Variants in FER1L5 observed in about 807,000 individuals in gnomAD.
The protein encoded by FER1L5 is fer-1-like protein 5.
Under a neutral mutation model 279.9 loss-of-function variants are expected in FER1L5, and 187 were observed. That is an observed-to-expected ratio of 0.67 (90% confidence interval 0.59 to 0.75). The LOEUF is 0.75. Ranked by LOEUF, FER1L5 falls within the 30% of genes least tolerant of loss-of-function variation. The pLI is 0.00. For synonymous variants in FER1L5, 921 were observed against 989.7 expected, an observed-to-expected ratio of 0.93 and a Z score of 1.30; for missense variants, 2,091 against 2,594.4, an observed-to-expected ratio of 0.81 and a Z score of 4.21.
At chr2:96,679,894 C>T (rs1457873870) in intron 19 of FER1L5, among the ~76,000 whole-genome samples, 1 of 152,148 alleles carries the variant, frequency 6.6e-6, no homozygotes, top group Non-Finnish European at 1.5e-5. Flanking sequence ...ATGTTACCTT[C>T]CCATCTCTGT....
chr2:96,696,190 C>T, intron 37 of FER1L5, 113 bp downstream of exon 37: 5 of 1,371,038 alleles, frequency 3.6e-6, no homozygotes, highest in Non-Finnish European at 5.0e-6. Flanking sequence ...AACTGTGAGG[C>T]CCACCTCGCT....
chr2:96,695,694 C>A (rs761677222), intron 35 of FER1L5, 33 bp downstream of exon 35: 34 of 1,607,112 alleles, frequency 2.1e-5, no homozygotes, highest in Non-Finnish European at 2.8e-5. Context: ...CTGGGCAGCC[C>A]TCTTCTTCTG....
chr2:96,678,454 G>T (rs1247302062), intron 19 of FER1L5, among the ~76,000 whole-genome samples: 1 of 149,608 alleles, frequency 6.7e-6, no homozygotes, highest in Admixed American at 6.7e-5. Flanking sequence ...TATTCTTTGA[G>T]ACAGGGTCTC....
At chr2:96,673,033 G>A (rs1264901535) in intron 18 of FER1L5, 44 bp from the exon 19 acceptor site, 10 of 1,537,070 alleles carry the variant, frequency 6.5e-6, no homozygotes, top group Admixed American at 2.0e-5. Flanking sequence ...ATAACCCTTG[G>A]CTTATGTACT....
chr2:96,702,988 G>T lies in FER1L5; in HGVS notation c.5408G>T (p.Trp1803Leu). The T allele has an allele frequency of 6.2e-7, 1 of 1,612,046 alleles. No homozygotes were observed. The highest frequency in any genetic ancestry group is 8.5e-7 in the Non-Finnish European group (1 of 1,179,102). ...TCVQSQKDYI[W>L]SLDATSMKFP... Reference sequence around the variant, plus strand: ...CCGCCATTTCCCCAGGATTACATATGGAGCCTGGATGCCACGTCCATGAAG... The same window carrying T: ...CCGCCATTTCCCCAGGATTACATATTGAGCCTGGATGCCACGTCCATGAAG... The change falls in exon 49 of 53, where the codon TGG becomes TTG. Residue 1803 changes from tryptophan to leucine, a missense_variant. Transcript: ENST00000624922. The surrounding 1 kb of genome is among the most constrained non-coding windows in gnomAD (Gnocchi z 4.0).
rs2075163608 is a variant in FER1L5, at chr2:96,647,077, A to C, written c.152A>C (p.His51Pro). 2 of 1,551,526 alleles carry C rather than the reference A, an allele frequency of 1.3e-6. No homozygotes were observed. The highest frequency in any genetic ancestry group is 1.7e-6 in the Non-Finnish European group (2 of 1,146,970). ...TGCCCCCCACAGACCCTAATCTGGC[A>C]CCTCTGGAACCGCCCCCTGGAAAAT... The part of the protein sequence containing the change: ...DPVWNETLIW[H>P]LWNRPLENDS... The change falls in exon 3 of 53, where the codon CAC becomes CCC. Residue 51 changes from histidine (H) to proline (P), a missense_variant. By Grantham distance (77) the His-to-Pro change is moderately conservative (BLOSUM62 -2). Transcript: ENST00000624922.
At chr2:96,651,295 CTTT>C (rs1558840413) in intron 6 of FER1L5, among the ~76,000 whole-genome samples, 13 of 134,590 alleles carry the variant, frequency 9.7e-5, no homozygotes, top group Admixed American at 3.2e-4. Flanking sequence ...TTCTTTCTTT[CTTT>C]CTTCTTTCCT....
Position 96,700,303 on chromosome 2 carries a change from TCCCCTCCTTCCATC to T in FER1L5, c.4931-21_4931-8del. 1 of 1,609,918 alleles carries T rather than the reference TCCCCTCCTTCCATC, an allele frequency of 6.2e-7. No individual in the cohort carries two copies. The highest frequency in any genetic ancestry group is 8.5e-7 in the Non-Finnish European group (1 of 1,179,710). ...GATAGGAAGGCTAATGACCTCGCAATCCCCTCCTTCCATCCCCCTCCAATCCAGAGCCCAAAACC... is the reference window on the plus strand; with the variant it reads ...GATAGGAAGGCTAATGACCTCGCAATCCCCTCCAATCCAGAGCCCAAAACC... On this transcript the variant is annotated splice_polypyrimidine_tract_variant and intron_variant, in intron 44 of 52. Transcript: ENST00000624922.
rs1267576402 is a variant in FER1L5, at chr2:96,686,260, A to G, written c.2139A>G (p.Ala713=). 8 of 1,551,478 alleles carry G rather than the reference A, an allele frequency of 5.2e-6. No individual in the cohort carries two copies. The highest frequency in any genetic ancestry group is 7.0e-6 in the Non-Finnish European group (8 of 1,146,972). ...LVAKEQRVAY[A]QVPAHSVLFS... ...CCAAGGAGCAGCGAGTGGCCTATGC[A>G]CAGGTGCCTGCCCACTCCGTCCTCT... The change falls in exon 23 of 53, where the codon GCA becomes GCG. Residue 713 remains alanine, a synonymous_variant. Transcript: ENST00000624922.
chr2:96,692,981 G>T lies in FER1L5; in HGVS notation c.3293-525G>T, dbSNP rs150400913. Among the ~76,000 whole-genome samples the T allele has an allele frequency of 4.1e-3, 621 of 152,190 alleles. 10 individuals carry two copies. In the East Asian group the frequency reaches 0.044, roughly 11 times the overall value. On this transcript the variant is annotated intron_variant, in intron 31 of 52. Transcript: ENST00000624922. ...TCACGAGGTCAGGAATTCGAGACCAGCCTGGCCAACATGGTGAAACCCCGT... is the reference window on the plus strand; with the variant it reads ...TCACGAGGTCAGGAATTCGAGACCATCCTGGCCAACATGGTGAAACCCCGT...
At chr2:96,696,602 TA>T (rs569496382) in intron 37 of FER1L5, among the ~76,000 whole-genome samples, 1 of 151,506 alleles carries the variant, frequency 6.6e-6, no homozygotes, top group African/African-American at 2.4e-5. Context: ...CCTTAAATCT[TA>T]AAAAAAAATT....
intron 44 of FER1L5, 80 bp downstream of exon 44, chr2:96,700,160 G>A: frequency 6.3e-7 from 1 of 1,581,968 alleles, no homozygotes; most frequent in Admixed American, 1.8e-5. Context: ...AAGAGCTGCA[G>A]ACTTGGGGGA....
Position 96,689,160 on chromosome 2 carries a change from C to G in FER1L5, c.2362-53C>G. Reference sequence around the variant, plus strand: ...AGGGGGCCCAGGGGAGGCCCATGTCCCCGCACTTTGTGCTAGAGGAGGCGG... The same window carrying G: ...AGGGGGCCCAGGGGAGGCCCATGTCGCCGCACTTTGTGCTAGAGGAGGCGG... On this transcript the variant is annotated intron_variant, in intron 24 of 52. Coordinates refer to ENST00000624922, the MANE Select transcript of FER1L5 (RefSeq NM_001293083.2). This position sits in a 1 kb window ranked among gnomAD's most constrained non-coding sequence, Gnocchi z 4.6. 6.5e-7 allele frequency: 1 copy of G among 1,528,440 alleles called. No homozygotes were observed. The highest frequency in any genetic ancestry group is 1.7e-4 in the Middle Eastern group (1 of 5,848). 94.7% of individuals were successfully genotyped at this position (1,528,440 alleles called of 1,614,324 possible).
rs971144515 is a variant in FER1L5 at position 96,699,656 on chromosome 2, G to A, written c.4717G>A (p.Asp1573Asn). The change falls in exon 43 of 53, where the codon GAC (aspartate) becomes AAC (asparagine). Residue 1573 changes from aspartate to asparagine, a missense_variant. Asp to Asn is a conservative substitution (Grantham distance 23). Transcript: ENST00000624922. ...PDDKIGTTVI[D>N]LENRLLSGFG... ...TGATAAGATAGGAACCACAGTCATC[G>A]ACCTTGAAAACCGACTCCTATCTGG... The A allele has an allele frequency of 6.8e-6, 11 of 1,613,874 alleles. No individual in the cohort carries two copies. Among genetic ancestry groups the A allele is most frequent in the East Asian group, 2.2e-5 (1 of 44,900 alleles).
intron 4 of FER1L5, 60 bp from the exon 5 acceptor site, chr2:96,649,562 TG>T: frequency 6.6e-7 from 1 of 1,517,274 alleles, no homozygotes; most frequent in Non-Finnish European, 8.9e-7. Context: ...GTGCAGGGCT[TG>T]GGTGCTGTGT....
intron 19 of FER1L5, among the ~76,000 whole-genome samples, chr2:96,683,393 C>T (rs2076802354): frequency 6.6e-6 from 1 of 152,100 alleles, no homozygotes; most frequent in South Asian, 2.1e-4. Flanking sequence ...TGTGTCTGTC[C>T]TCACTCAACT....
chr2:96,678,327 A>C (rs1262179116), intron 19 of FER1L5, among the ~76,000 whole-genome samples: 1 of 151,616 alleles, frequency 6.6e-6, no homozygotes, highest in East Asian at 1.9e-4. Context: ...ACAGGGTTTC[A>C]CCATGTTGCC....
chr2:96,643,009 T>C (rs2074950847), intron 1 of FER1L5, 88 bp downstream of exon 1: 1 of 1,117,822 alleles, frequency 8.9e-7, no homozygotes, highest in Non-Finnish European at 1.3e-6. Flanking sequence ...GGCACCCCAC[T>C]ACATAAAAGA....
At chr2:96,660,011 G>T (rs1350463444) in intron 9 of FER1L5, among the ~76,000 whole-genome samples, 2 of 152,154 alleles carry the variant, frequency 1.3e-5, no homozygotes, top group Non-Finnish European at 2.9e-5. Flanking sequence ...TCTTCCCCAG[G>T]ACCGGTGAGC....
Sources: gnomAD v4.1 joint callset for allele counts (sites outside exome capture counted in the v4.1 genomes callset) on GRCh38, gnomAD v4.1.1 for gene constraint, Gnocchi (gnomAD v3.1) non-coding constraint, MANE v1.5 for transcripts, NCBI Gene and HGNC (gene_info 2026-07-23, HGNC 2026-07-21) for gene names.